GALNT18: variants seen among roughly 807,000 people sequenced by gnomAD.
The protein encoded by GALNT18 is GalNAc-transferase 18.
A neutral mutation model predicts 69.5 loss-of-function variants in GALNT18; 44 were observed. The observed-to-expected ratio is 0.63, with a 90% CI of 0.50 to 0.81. The LOEUF is 0.81. GALNT18 is among the 40% of genes least tolerant of loss of function. GALNT18 has a pLI of 0.00. For synonymous variants in GALNT18, 364 were observed against 318.2 expected (o/e 1.14, Z -1.53); for missense variants, 715 against 810.0 (o/e 0.88, Z 1.42).
intron 6 of GALNT18, among the ~76,000 whole-genome samples, chr11:11,362,324 T>G (rs1051909484): frequency 7.9e-5 from 12 of 152,048 alleles, no homozygotes; most frequent in Non-Finnish European, 1.5e-4. Flanking sequence ...TTGCTTACAT[T>G]AAACAGAAAA....
intron 9 of GALNT18, among the ~76,000 whole-genome samples, chr11:11,301,583 C>G (rs993589631): frequency 7.9e-5 from 12 of 152,196 alleles, no homozygotes; most frequent in Admixed American, 6.5e-5. Flanking sequence ...ATGTGTAAGG[C>G]TGGGTTTCTA....
Position 11,601,865 on chromosome 11 carries a change from G to A in GALNT18, c.235+19494C>T, listed in dbSNP as rs1269302946. Among the ~76,000 whole-genome samples the A allele has an allele frequency of 6.6e-6, 1 of 152,130 alleles. No homozygotes were observed. Among genetic ancestry groups the A allele is most frequent in the Non-Finnish European group, 1.5e-5 (1 of 68,020 alleles). Reference sequence around the variant, plus strand: ...AATGACGTTATTTGAGGACCTGCCTGATTTGCTTAAAGTCACAATTTCTAA... The same window carrying A: ...AATGACGTTATTTGAGGACCTGCCTAATTTGCTTAAAGTCACAATTTCTAA... On this transcript the variant is annotated intron_variant, in intron 1 of 10. Coordinates refer to ENST00000227756, the MANE Select transcript of GALNT18 (RefSeq NM_198516.3). The surrounding 1 kb of genome is among the most constrained non-coding windows in gnomAD (Gnocchi z 4.0).
At chr11:11,570,846 G>A (rs967962403) in intron 1 of GALNT18, among the ~76,000 whole-genome samples, 2 of 152,222 alleles carry the variant, frequency 1.3e-5, no homozygotes, top group African/African-American at 2.4e-5. Context: ...GAATGAACAG[G>A]TAATTTACTT....
intron 1 of GALNT18, among the ~76,000 whole-genome samples, chr11:11,522,184 C>T (rs1376241403): frequency 6.6e-6 from 1 of 152,212 alleles, no homozygotes; most frequent in Admixed American, 6.5e-5. Flanking sequence ...TCTCCTCCTA[C>T]CTCCACATGA....
chr11:11,473,658 G>A (rs1047005249), intron 1 of GALNT18, among the ~76,000 whole-genome samples: 2 of 137,418 alleles, frequency 1.5e-5, no homozygotes, highest in African/African-American at 2.5e-5. Flanking sequence ...AAGCCAAAGT[G>A]TGTATGCACA....
At chr11:11,556,566 T>C (rs1858337747) in intron 1 of GALNT18, among the ~76,000 whole-genome samples, 1 of 152,244 alleles carries the variant, frequency 6.6e-6, no homozygotes, top group Admixed American at 6.5e-5. Context: ...CCTACCTCTG[T>C]TGAGTATTTT....
Position 11,564,515 on chromosome 11 carries a change from C to T in GALNT18, c.235+56844G>A, listed in dbSNP as rs764883297. ...TTCCCCACGGCCCTATGCATTTTAT[C>T]TGCCTTATTTGAGGGCTGAAAGAGT... On this transcript the variant is annotated intron_variant, in intron 1 of 10. Coordinates refer to ENST00000227756, the MANE Select transcript of GALNT18 (RefSeq NM_198516.3). The surrounding 1 kb of genome is among the most constrained non-coding windows in gnomAD (Gnocchi z 4.3). 2.6e-5 allele frequency among the ~76,000 whole-genome samples: 4 copies of T among 152,226 alleles called. No homozygotes were observed. The highest frequency in any genetic ancestry group is 5.9e-5 in the Non-Finnish European group (4 of 68,040).
chr11:11,273,509 G>GT (rs1848870087), intron 10 of GALNT18, among the ~76,000 whole-genome samples: 1 of 152,144 alleles, frequency 6.6e-6, no homozygotes, highest in Non-Finnish European at 1.5e-5. Context: ...TCTCACCCCA[G>GT]TTAAAATGGC....
In GALNT18 at chr11:11,415,298, C is replaced by T. The variant is rs1258243509; in HGVS notation, c.595+17323G>A. ...ATTAGTATTTGCTTGAATAACTCGGCGAAGTGAATATACACCACTTCCCAG... is the reference window on the plus strand; with the variant it reads ...ATTAGTATTTGCTTGAATAACTCGGTGAAGTGAATATACACCACTTCCCAG... On this transcript the variant is annotated intron_variant, in intron 3 of 10. Transcript: ENST00000227756. The surrounding 1 kb of genome is among the most constrained non-coding windows in gnomAD (Gnocchi z 4.1). Among the ~76,000 whole-genome samples the T allele has an allele frequency of 1.3e-5, 2 of 152,070 alleles. No individual in the cohort carries two copies. The highest frequency in any genetic ancestry group is 2.9e-5 in the Non-Finnish European group (2 of 68,008).
intron 2 of GALNT18, among the ~76,000 whole-genome samples, chr11:11,443,192 C>T (rs1218323783): frequency 6.6e-6 from 1 of 152,092 alleles, no homozygotes; most frequent in African/African-American, 2.4e-5. Context: ...GGGTGAGAAG[C>T]CCACCTTCCC....
intron 10 of GALNT18, among the ~76,000 whole-genome samples, chr11:11,275,515 G>C (rs940186867): frequency 6.6e-6 from 1 of 152,188 alleles, no homozygotes; most frequent in Non-Finnish European, 1.5e-5. Context: ...TTCTCTTGCT[G>C]TGCAGAAGCT....
intron 9 of GALNT18, among the ~76,000 whole-genome samples, chr11:11,307,709 T>A (rs938180844): frequency 6.6e-6 from 1 of 151,568 alleles, no homozygotes; most frequent in Non-Finnish European, 1.5e-5. Context: ...CTTTCTTCCT[T>A]TAAGGTCCAG....
intron 1 of GALNT18, among the ~76,000 whole-genome samples, chr11:11,466,456 G>A (rs934300886): frequency 6.6e-6 from 1 of 152,246 alleles, no homozygotes; most frequent in African/African-American, 2.4e-5. Context: ...ACCCAGGAAA[G>A]GAGGGATGAT....
At chr11:11,416,824 G>A (rs535888468) in intron 3 of GALNT18, among the ~76,000 whole-genome samples, 1 of 152,286 alleles carries the variant, frequency 6.6e-6, no homozygotes, top group East Asian at 1.9e-4. Context: ...AGCGTGGCGA[G>A]CCATGGCACC....
In GALNT18 at chr11:11,356,798, T is replaced by C. The variant is rs766157255; in HGVS notation, c.1092+15717A>G. On this transcript the variant is annotated intron_variant, in intron 6 of 10. Transcript: ENST00000227756. The surrounding 1 kb of genome is among the most constrained non-coding windows in gnomAD (Gnocchi z 4.4). ...TAAAATTGTTCTTGGGCACTCTCCT[T>C]CTGCTCCCCACCATTTCTAGCTAAT... Among the ~76,000 whole-genome samples the C allele has an allele frequency of 2.0e-5, 3 of 152,202 alleles. No homozygotes were observed. The highest frequency in any genetic ancestry group is 2.9e-5 in the Non-Finnish European group (2 of 68,044).
chr11:11,522,980 AG>A (rs1857433131), intron 1 of GALNT18, among the ~76,000 whole-genome samples: 1 of 152,244 alleles, frequency 6.6e-6, no homozygotes, highest in South Asian at 2.1e-4. Context: ...ATGAGAGTAA[AG>A]TAAGAGACTG....
At chr11:11,353,378 C>T (rs970479746) in intron 6 of GALNT18, 4 of 590,182 alleles carry the variant, frequency 6.8e-6, no homozygotes, top group Non-Finnish European at 1.2e-5. Context: ...GCTAACTGGG[C>T]TCATCTATTT....
rs1200119769 is a variant in GALNT18, at chr11:11,590,936, CTATAT to C, written c.235+30418_235+30422del. The stretch of plus-strand genomic sequence containing the variant: ...ACTATGTTACTGGTTTATGTATTTA[CTATAT>C]TATATTTTTACTATTATTTTAGAAT... On this transcript the variant is annotated intron_variant, in intron 1 of 10. Coordinates refer to ENST00000227756, the MANE Select transcript of GALNT18 (RefSeq NM_198516.3). This position sits in a 1 kb window ranked among gnomAD's most constrained non-coding sequence, Gnocchi z 4.4. Among the ~76,000 whole-genome samples, 2 of 152,062 alleles carry C rather than the reference CTATAT, an allele frequency of 1.3e-5. No homozygotes were observed. The highest frequency in any genetic ancestry group is 2.4e-5 in the African/African-American group (1 of 41,376).
chr11:11,502,388 C>T (rs1283957019), intron 1 of GALNT18, among the ~76,000 whole-genome samples: 1 of 152,182 alleles, frequency 6.6e-6, no homozygotes, highest in Non-Finnish European at 1.5e-5. Context: ...TTTGAGAGGC[C>T]CTGGTTCCCT....
Sources: allele counts gnomAD v4.1 joint callset (sites outside exome capture counted in the v4.1 genomes callset), GRCh38; gene constraint gnomAD v4.1.1; non-coding constraint Gnocchi (gnomAD v3.1); transcripts MANE v1.5; gene names NCBI Gene and HGNC (gene_info 2026-07-23, HGNC 2026-07-21).